Variants in COQ7 observed in about 807,000 individuals in gnomAD.
COQ7 encodes the protein NADPH-dependent 3-demethoxyubiquinone 3-hydroxylase, mitochondrial.
COQ7 carries 21 observed loss-of-function variants against 25.0 expected under a neutral mutation model. That is an observed-to-expected ratio of 0.84 (90% CI 0.60 to 1.21). COQ7 has a LOEUF of 1.21. COQ7 is among the 50% of genes most tolerant of loss of function. The probability of loss-of-function intolerance (pLI) is 0.00; values close to 1 mark genes in which losing one functional copy is unlikely to be tolerated. For synonymous variants in COQ7, 125 were observed against 112.4 expected, an observed-to-expected ratio of 1.11 and a Z score of -0.71; for missense variants, 311 against 296.2, an observed-to-expected ratio of 1.05 and a Z score of -0.37.
At chr16:19,081,678 A>G (rs1963101813), downstream of COQ7, among the ~76,000 whole-genome samples, 1 of 152,270 alleles carries the variant, frequency 6.6e-6, no homozygotes, top group Admixed American at 6.5e-5. Context: ...GCTGTACTTT[A>G]TGCAAATAAT....
At chr16:19,071,863 C>T (rs370668896) in intron 1 of COQ7, 65 bp from the exon 2 acceptor site, 1 of 1,584,728 alleles carries the variant, frequency 6.3e-7, no homozygotes, top group Non-Finnish European at 8.6e-7. Context: ...GCCCTTTCTG[C>T]TGTCTGTAAA....
intron 3 of COQ7, among the ~76,000 whole-genome samples, chr16:19,074,381 C>T (rs771263579): frequency 1.3e-4 from 20 of 151,828 alleles, no homozygotes; most frequent in African/African-American, 2.9e-4. Flanking sequence ...AAAAATTAGC[C>T]GGGCATGGTG....
intron 4 of COQ7, 22 bp downstream of exon 4, chr16:19,075,882 C>T (rs765062911): frequency 1.4e-5 from 22 of 1,613,818 alleles, no homozygotes; most frequent in East Asian, 6.7e-5. Context: ...TGCTCTAGAA[C>T]GGGGCTGCTC....
In COQ7 at chr16:19,075,961, G is replaced by T. The variant is rs1344320820; in HGVS notation, c.507+101G>T. 3.4e-6 allele frequency: 5 copies of T among 1,483,852 alleles called. No individual in the cohort carries two copies. In the Admixed American group the frequency reaches 7.4e-5, roughly 22 times the overall value. 91.9% of individuals were successfully genotyped at this position (1,483,852 alleles called of 1,614,324 possible). ...GTTAGAGATTGTTAGGGGATGATGG[G>T]GGTTTAGAGGCTCAGGTCAGTGCCT... On this transcript the variant is annotated intron_variant, in intron 4 of 5. Coordinates refer to ENST00000321998, the MANE Select transcript of COQ7 (RefSeq NM_016138.5).
intron 3 of COQ7, among the ~76,000 whole-genome samples, chr16:19,074,575 A>C (rs1307643237): frequency 2.6e-5 from 4 of 151,934 alleles, no homozygotes; most frequent in Non-Finnish European, 5.9e-5. Context: ...CCAGGGTCTC[A>C]CTCTGTTGCC....
Position 19,078,197 on chromosome 16 carries a change from A to C in COQ7, c.*39A>C, listed in dbSNP as rs1962962685. ...TTGCCTGTCTATAAAAGATGATAGT[A>C]ATTTACCAAGTGACATTTGCAGAGA... is the stretch of plus-strand genomic sequence containing the variant. On this transcript the variant is annotated 3_prime_UTR_variant, in exon 6 of 6. Coordinates refer to ENST00000321998, the MANE Select transcript of COQ7 (RefSeq NM_016138.5). The C allele has an allele frequency of 6.6e-7, 1 of 1,512,440 alleles. No homozygotes were observed. The highest frequency in any genetic ancestry group is 9.1e-7 in the Non-Finnish European group (1 of 1,098,984). The allele number at this position is 1,512,440 out of a possible 1,614,324, so 93.7% of individuals were successfully genotyped here.
chr16:19,076,584 AC>A (rs1962853396), intron 4 of COQ7, among the ~76,000 whole-genome samples: 3 of 97,014 alleles, frequency 3.1e-5, no homozygotes, highest in East Asian at 2.7e-4. Flanking sequence ...GGTGCTGTTC[AC>A]TTTTTTTTTT....
chr16:19,073,880 T>A (rs1387449142), intron 2 of COQ7, 41 bp from the exon 3 acceptor site: 2 of 1,496,974 alleles, frequency 1.3e-6, no homozygotes, highest in Non-Finnish European at 1.9e-6. Flanking sequence ...GGGAGGCCTC[T>A]ATGGAATGCT....
At position 19,071,959 on chromosome 16, in the gene COQ7, C is replaced by T. The variant is rs1725969774; in HGVS notation, c.105C>T (p.Arg35=). 2 of 1,614,204 alleles carry T rather than the reference C, an allele frequency of 1.2e-6. No homozygotes were observed. Among genetic ancestry groups the T allele is most frequent in the Admixed American group, 1.7e-5 (1 of 60,024 alleles). ...GAAGAAGAACCAGTGTCAGATTTCG[C>T]AGTTCAGGAATGACTTTAGACAATA... ...AYGRRTSVRF[R]SSGMTLDNIS... The change falls in exon 2 of 6, where the codon CGC becomes CGT. Residue 35 remains arginine, a synonymous_variant. Coordinates refer to ENST00000321998, the MANE Select transcript of COQ7 (RefSeq NM_016138.5).
chr16:19,072,069 C>T lies in COQ7; in HGVS notation c.215C>T (p.Ala72Val), dbSNP rs1273520439. 1 of 1,614,222 alleles carries T rather than the reference C, an allele frequency of 6.2e-7. No homozygotes were observed. Among genetic ancestry groups the T allele is most frequent in the Non-Finnish European group, 8.5e-7 (1 of 1,180,040 alleles). The change falls in exon 2 of 6, where the codon GCT becomes GTT. Residue 72 changes from alanine to valine, a missense_variant. Transcript: ENST00000321998. ...AACCGCATCTATGCCGGGCAGATGG[C>T]TGTCCTGGGTCGGACCAGCGTCGGG... ...GANRIYAGQM[A>V]VLGRTSVGPV...
intron 1 of COQ7, chr16:19,068,333 C>G: frequency 1.0e-6 from 1 of 990,098 alleles, no homozygotes; most frequent in Non-Finnish European, 1.2e-6. Flanking sequence ...TCCTGCTTTC[C>G]TTGTTTCATC....
At chr16:19,074,456 T>C (rs984440028) in intron 3 of COQ7, among the ~76,000 whole-genome samples, 1 of 151,438 alleles carries the variant, frequency 6.6e-6, no homozygotes, top group Non-Finnish European at 1.5e-5. Context: ...ACCTGGGAGC[T>C]GGAGGTTGCA....
At chr16:19,075,673 C>T (rs374245797) in intron 3 of COQ7, 48 bp from the exon 4 acceptor site, 62 of 1,518,530 alleles carry the variant, frequency 4.1e-5, no homozygotes, top group African/African-American at 2.9e-4. Context: ...TCTCCATTAC[C>T]GGTCATATCT....
rs1047588868 is a variant in COQ7, at chr16:19,078,270, TAATA to T, written c.*116_*119del. 5 of 758,136 alleles carry T rather than the reference TAATA, an allele frequency of 6.6e-6. No homozygotes were observed. The highest frequency in any genetic ancestry group is 3.7e-5 in the African/African-American group (2 of 53,836). 47.0% of individuals were successfully genotyped at this position (758,136 alleles called of 1,614,324 possible). On this transcript the variant is annotated 3_prime_UTR_variant, in exon 6 of 6. Coordinates refer to ENST00000321998, the MANE Select transcript of COQ7 (RefSeq NM_016138.5). Reference sequence around the variant, plus strand: ...TACTTTTGTACAATGTGAATTTTGTTAATAAATTATAAGGTTTGTTTTTTTTTTT... The same window carrying T: ...TACTTTTGTACAATGTGAATTTTGTTAATTATAAGGTTTGTTTTTTTTTTT...
At chr16:19,068,116 T>C (rs1363206562) in intron 1 of COQ7, 5 of 1,070,390 alleles carry the variant, frequency 4.7e-6, no homozygotes, top group South Asian at 6.6e-5. Context: ...AGGCAAAGGG[T>C]AGCCCGACGA....
At chr16:19,076,754 G>T (rs1962868492) in intron 4 of COQ7, among the ~76,000 whole-genome samples, 1 of 151,880 alleles carries the variant, frequency 6.6e-6, no homozygotes, top group East Asian at 1.9e-4. Flanking sequence ...ACCACGCCCA[G>T]CTAATTTTTG....
intron 3 of COQ7, among the ~76,000 whole-genome samples, chr16:19,074,774 C>T (rs1962747711): frequency 6.6e-6 from 1 of 152,112 alleles, no homozygotes. Flanking sequence ...AAACTGCTGG[C>T]CTCAAGCCAT....
chr16:19,082,122 C>A (rs1304761904), downstream of COQ7, among the ~76,000 whole-genome samples: 1 of 152,008 alleles, frequency 6.6e-6, no homozygotes, highest in Non-Finnish European at 1.5e-5. Context: ...AACTGATGAA[C>A]AAAATGGCAA....
At chr16:19,068,124 C>T in intron 1 of COQ7, 2 of 1,060,798 alleles carry the variant, frequency 1.9e-6, no homozygotes, top group Non-Finnish European at 2.3e-6. Context: ...GGTAGCCCGA[C>T]GACCAGCAGC....
Sources: allele counts gnomAD v4.1 joint callset (sites outside exome capture counted in the v4.1 genomes callset), GRCh38; gene constraint gnomAD v4.1.1; transcripts MANE v1.5; gene names NCBI Gene and HGNC (gene_info 2026-07-23, HGNC 2026-07-21).